WBP1L: variants seen among roughly 807,000 people sequenced by gnomAD.
WBP1L encodes the protein WW domain binding protein 1 like.
In WBP1L, 17 loss-of-function variants were observed where a neutral mutation model predicts 33.7. That is an observed-to-expected ratio of 0.50 (90% confidence interval 0.34 to 0.76). The LOEUF (loss-of-function observed/expected upper bound fraction) is 0.76, where lower values mean the gene tolerates loss of function less well. Ranked by LOEUF, WBP1L falls within the 30% of genes least tolerant of loss-of-function variation. WBP1L has a pLI of 0.01. For synonymous variants in WBP1L, 173 were observed against 190.8 expected (o/e 0.91, Z 0.77); for missense variants, 389 against 469.4 (o/e 0.83, Z 1.58).
intron 1 of WBP1L, among the ~76,000 whole-genome samples, chr10:102,787,500 A>T (rs182991750): frequency 3.2e-4 from 48 of 152,062 alleles, no homozygotes; most frequent in African/African-American, 1.1e-3. Flanking sequence ...AGGTGGGAGG[A>T]TTGCTTGAGC....
chr10:102,767,066 C>A (rs1398858274), intron 1 of WBP1L, among the ~76,000 whole-genome samples: 1 of 152,038 alleles, frequency 6.6e-6, no homozygotes, highest in African/African-American at 2.4e-5. Context: ...AAAACACGAA[C>A]CTAGCATTTT....
intron 3 of WBP1L, among the ~76,000 whole-genome samples, chr10:102,810,571 T>C (rs1431324597): frequency 7.5e-6 from 1 of 134,046 alleles, no homozygotes; most frequent in African/African-American, 2.7e-5. Flanking sequence ...TTTCTTTTTT[T>C]TTTTTTTTTT....
At chr10:102,792,474 A>G (rs1843513002) in intron 1 of WBP1L, among the ~76,000 whole-genome samples, 1 of 151,394 alleles carries the variant, frequency 6.6e-6, no homozygotes, top group Admixed American at 6.6e-5. Context: ...CACCTACCTA[A>G]CTTTCCTATC....
At chr10:102,807,829 A>G (rs1377527206) in intron 2 of WBP1L, among the ~76,000 whole-genome samples, 1 of 152,034 alleles carries the variant, frequency 6.6e-6, no homozygotes, top group African/African-American at 2.4e-5. Flanking sequence ...ATATTCCTAG[A>G]GGAATTTAAA....
rs1287186949 is a variant in WBP1L, at chr10:102,815,872, A to G, written c.*2541A>G. ...AAAGGCACGAGAAGACGGAAATGCA[A>G]CCTGCGGAGCTGGGCTTGGTTCCCA... On this transcript the variant is annotated 3_prime_UTR_variant, in exon 4 of 4. Transcript: ENST00000448841. The G allele has an allele frequency of 6.6e-6, 1 of 152,456 alleles. No homozygotes were observed. Among genetic ancestry groups the G allele is most frequent in the Admixed American group, 6.6e-5 (1 of 15,264 alleles). The allele number at this position is 152,456 out of a possible 1,614,324, so 9.4% of individuals were successfully genotyped here.
intron 1 of WBP1L, among the ~76,000 whole-genome samples, chr10:102,791,273 T>G (rs1409462483): frequency 6.6e-6 from 1 of 152,190 alleles, no homozygotes; most frequent in Non-Finnish European, 1.5e-5. Flanking sequence ...TTCTTGCAAG[T>G]TCAGCTTTGT....
intron 1 of WBP1L, among the ~76,000 whole-genome samples, chr10:102,794,730 CAGTT>C (rs1397872246): frequency 6.6e-6 from 1 of 152,038 alleles, no homozygotes; most frequent in Non-Finnish European, 1.5e-5. Flanking sequence ...GCCTGGGCAA[CAGTT>C]AGACTCTGAG....
chr10:102,768,402 G>A (rs7083848), intron 1 of WBP1L, among the ~76,000 whole-genome samples: 4,571 of 16,404 alleles, frequency 0.28, 270 homozygotes, highest in East Asian at 0.48. Context: ...TTTTTGAGAC[G>A]GAGTCTCGCT....
intron 2 of WBP1L, among the ~76,000 whole-genome samples, chr10:102,803,770 A>G (rs1179866537): frequency 1.3e-5 from 2 of 151,838 alleles, no homozygotes; most frequent in African/African-American, 4.8e-5. Context: ...CACTACGCCC[A>G]GCTAATTTTT....
chr10:102,799,900 C>G (rs569083714), intron 2 of WBP1L, among the ~76,000 whole-genome samples: 34 of 152,282 alleles, frequency 2.2e-4, no homozygotes, highest in African/African-American at 7.0e-4. Context: ...AGTGGTTCCT[C>G]CAAACAAGAC....
At chr10:102,768,364 GTTTTTTGTTTTTTTTT>G (rs373392089) in intron 1 of WBP1L, among the ~76,000 whole-genome samples, 19,698 of 42,838 alleles carry the variant, frequency 0.46, 5,378 homozygotes, top group East Asian at 0.7. Flanking sequence ...CCTGGCATTA[GTTTTTTGTTTTTTTTT>G]TTTTTTTTTT....
chr10:102,761,202 C>T (rs550007399), intron 1 of WBP1L, among the ~76,000 whole-genome samples: 59 of 148,970 alleles, frequency 4.0e-4, no homozygotes, highest in Middle Eastern at 3.5e-3. Context: ...TGCAGTGGCG[C>T]GATCTTGGCT....
At chr10:102,803,439 T>G (rs1336811610) in intron 2 of WBP1L, among the ~76,000 whole-genome samples, 1 of 152,134 alleles carries the variant, frequency 6.6e-6, no homozygotes, top group East Asian at 1.9e-4. Flanking sequence ...ACTGTGATTG[T>G]TTTTAAAAAC....
At chr10:102,744,262 C>A in intron 1 of WBP1L, 119 bp downstream of exon 1, 1 of 1,287,522 alleles carries the variant, frequency 7.8e-7, no homozygotes, top group Non-Finnish European at 1.0e-6. Flanking sequence ...GGCGTCTATG[C>A]CTGGCGTGGA....
chr10:102,785,530 G>A (rs1843403230), intron 1 of WBP1L, among the ~76,000 whole-genome samples: 1 of 149,446 alleles, frequency 6.7e-6, no homozygotes, highest in Non-Finnish European at 1.5e-5. Flanking sequence ...TGCCATGTAG[G>A]CATAGAACTC....
intron 1 of WBP1L, among the ~76,000 whole-genome samples, chr10:102,785,448 A>G (rs921845586): frequency 4.0e-5 from 6 of 150,000 alleles, no homozygotes; most frequent in African/African-American, 1.5e-4. Flanking sequence ...CGGCCTCCCA[A>G]AGTGCTGGGA....
intron 1 of WBP1L, among the ~76,000 whole-genome samples, chr10:102,790,211 A>G (rs548948408): frequency 1.3e-5 from 2 of 151,790 alleles, no homozygotes; most frequent in East Asian, 3.9e-4. Flanking sequence ...TAGTTCATCA[A>G]TTTCCTCTTT....
intron 1 of WBP1L, among the ~76,000 whole-genome samples, chr10:102,784,474 G>A (rs187851820): frequency 0.028 from 3,958 of 142,110 alleles, 82 homozygotes; most frequent in Middle Eastern, 0.047. Flanking sequence ...CGCCCAGGCT[G>A]GAGTGCAGTG....
chr10:102,798,185 G>A (rs1843600724), intron 2 of WBP1L, 90 bp downstream of exon 2: 1 of 1,117,496 alleles, frequency 8.9e-7, no homozygotes, highest in Admixed American at 1.9e-5. Context: ...GCCCTTTTCG[G>A]ATTCTCTTGG....
Sources: allele counts gnomAD v4.1 joint callset (sites outside exome capture counted in the v4.1 genomes callset), GRCh38; gene constraint gnomAD v4.1.1; transcripts MANE v1.5; gene names NCBI Gene and HGNC (gene_info 2026-07-23, HGNC 2026-07-21).